N4BP2L2: variants seen among roughly 807,000 people sequenced by gnomAD.
The protein encoded by N4BP2L2 is NEDD4-binding protein 2-like 2.
In N4BP2L2, 50 loss-of-function variants were observed where a neutral mutation model predicts 56.2. The observed-to-expected ratio is 0.89, with a 90% CI of 0.71 to 1.13. N4BP2L2 has a LOEUF of 1.13. Among genes scored for constraint, N4BP2L2 ranks in the 50% most tolerant of loss-of-function variants. N4BP2L2 has a pLI of 0.00. For missense variants in N4BP2L2, 689 were observed against 693.8 expected, an observed-to-expected ratio of 0.99 and a Z score of 0.08; for synonymous variants, 203 against 223.6, an observed-to-expected ratio of 0.91 and a Z score of 0.82.
At chr13:32,538,640 A>T in exon 1 of N4BP2L2, 1 of 985,462 alleles carries the variant, frequency 1.0e-6, no homozygotes, top group South Asian at 4.7e-5. Flanking sequence ...CTACGCATTG[A>T]CCTTTACCTC....
At chr13:32,530,575 T>C (rs2054441794) in intron 2 of N4BP2L2, among the ~76,000 whole-genome samples, 1 of 152,174 alleles carries the variant, frequency 6.6e-6, no homozygotes, top group Non-Finnish European at 1.5e-5. Flanking sequence ...TTCAAAACAA[T>C]AGCTATCTTT....
chr13:32,459,873 G>T (rs778734038), intron 6 of N4BP2L2, among the ~76,000 whole-genome samples: 7 of 152,072 alleles, frequency 4.6e-5, no homozygotes, highest in Non-Finnish European at 8.8e-5. Flanking sequence ...CTATAGGTCA[G>T]TATCCCTGAT....
exon 7 of N4BP2L2, chr13:32,442,590 G>A (rs1266381305): frequency 2.5e-6 from 4 of 1,613,716 alleles, no homozygotes; most frequent in African/African-American, 2.7e-5. Flanking sequence ...CTCCCAAAGA[G>A]CACGAAGTAT....
At chr13:32,494,681 G>GCGTGAAC (rs2088098884) in intron 6 of N4BP2L2, among the ~76,000 whole-genome samples, 1 of 151,208 alleles carries the variant, frequency 6.6e-6, no homozygotes, top group African/African-American at 2.4e-5. Context: ...CAGGAGAATG[G>GCGTGAAC]CGTGAACCCG....
In N4BP2L2 at chr13:32,528,690, T is replaced by G. The variant is rs576421896; in HGVS notation, c.1260-1158A>C. ...AGGCATTTGGATATCACTGTATAAT[T>G]TTGAGGGGATTGGTGGGATGGAAGG... On this transcript the variant is annotated intron_variant, in intron 2 of 5. Transcript: ENST00000267068. Among the ~76,000 whole-genome samples, 5 of 152,258 alleles carry G rather than the reference T, an allele frequency of 3.3e-5. No homozygotes were observed. The South Asian group carries it at 8.3e-4, about 25-fold the overall frequency.
chr13:32,480,530 T>A lies in N4BP2L2; in HGVS notation c.366-36404A>T, dbSNP rs189456122. 1.0e-4 allele frequency: 98 copies of A among 982,912 alleles called. 1 individual carries two copies. Among genetic ancestry groups the A allele is most frequent in the Non-Finnish European group, 1.2e-4 (88 of 724,714 alleles). 60.9% of individuals were successfully genotyped at this position (982,912 alleles called of 1,614,324 possible). ...TAAAGAGACTTTTTTCTACATAATT[T>A]TAATCTTAGAAAATCAGACGCTAGA... is the stretch of plus-strand genomic sequence containing the variant. On this transcript the variant is annotated intron_variant, in intron 6 of 9. Transcript: ENST00000357505.
chr13:32,440,039 A>AC (rs1453921278), intron 7 of N4BP2L2, among the ~76,000 whole-genome samples: 8 of 151,788 alleles, frequency 5.3e-5, no homozygotes, highest in African/African-American at 1.9e-4. Context: ...AAAAAAAAAA[A>AC]AGAAAAGGAA....
chr13:32,505,114 G>A (rs550584939), intron 6 of N4BP2L2: 1 of 152,286 alleles, frequency 6.6e-6, no homozygotes, highest in South Asian at 2.1e-4. Context: ...TGGTCCTGTG[G>A]TAGCAATAGT....
At chr13:32,522,028 T>G (rs1165426604) in intron 4 of N4BP2L2, 154 bp downstream of exon 4, 1 of 589,396 alleles carries the variant, frequency 1.7e-6, no homozygotes, top group Admixed American at 3.7e-5. Context: ...AAAACATCAT[T>G]CACAATTTTT....
chr13:32,461,281 A>C lies in N4BP2L2; in HGVS notation c.366-17155T>G, dbSNP rs781220809. Among the ~76,000 whole-genome samples the C allele has an allele frequency of 2.0e-5, 3 of 152,346 alleles. No individual in the cohort carries two copies. In the South Asian group the frequency reaches 6.2e-4, roughly 32 times the overall value. On this transcript the variant is annotated intron_variant, in intron 6 of 9. Coordinates refer to the N4BP2L2 transcript ENST00000357505. ...AGATAAATGGGACTTAATTAAATTT[A>C]AAAGCTTCTGCACAGCAATGGAAAC...
chr13:32,521,448 G>C (rs1310976290), exon 5 of N4BP2L2: 1 of 1,600,194 alleles, frequency 6.2e-7, no homozygotes, highest in South Asian at 1.1e-5. Context: ...TTTTCCTATG[G>C]CCTACACAAA....
At chr13:32,524,406 C>CA (rs1325041677) in intron 3 of N4BP2L2, 1 of 152,162 alleles carries the variant, frequency 6.6e-6, no homozygotes, top group Non-Finnish European at 1.5e-5. Context: ...CATTATCATC[C>CA]AATACCATAG....
intron 6 of N4BP2L2, among the ~76,000 whole-genome samples, chr13:32,499,078 T>C (rs1437654115): frequency 6.6e-6 from 1 of 152,098 alleles, no homozygotes; most frequent in African/African-American, 2.4e-5. Flanking sequence ...TCTAAGCCTT[T>C]GATTATTCAG....
chr13:32,533,264 CT>C (rs993268849), intron 2 of N4BP2L2, among the ~76,000 whole-genome samples: 2 of 152,162 alleles, frequency 1.3e-5, no homozygotes, highest in South Asian at 4.1e-4. Context: ...AAAGTGACAT[CT>C]TTATCGGGCT....
exon 7 of N4BP2L2, chr13:32,443,768 C>T (rs1566025297): frequency 6.3e-7 from 1 of 1,575,680 alleles, no homozygotes; most frequent in Admixed American, 1.9e-5. Context: ...AAGTTATCAC[C>T]TTCCTTAGAG....
At chr13:32,530,021 C>T (rs1434675999) in intron 2 of N4BP2L2, among the ~76,000 whole-genome samples, 3 of 152,038 alleles carry the variant, frequency 2.0e-5, no homozygotes, top group East Asian at 1.9e-4. Context: ...CCACCGTGCC[C>T]GGCACAGGTG....
chr13:32,537,498 G>C (rs758263686), intron 1 of N4BP2L2, among the ~76,000 whole-genome samples: 7 of 152,076 alleles, frequency 4.6e-5, no homozygotes, highest in Non-Finnish European at 8.8e-5. Context: ...CTGTGTTTTT[G>C]AGAGTAAATA....
At chr13:32,538,806 C>T (rs1007633940), upstream of N4BP2L2, 4 of 985,328 alleles carry the variant, frequency 4.1e-6, no homozygotes, top group African/African-American at 7.0e-5. Flanking sequence ...GGTCACCTCT[C>T]GGTTACCCAG....
chr13:32,506,624 T>A (rs1470107302), downstream of N4BP2L2: 1 of 152,108 alleles, frequency 6.6e-6, no homozygotes. Context: ...TGGGACCTCA[T>A]CAAGCTTGCT....
Sources: allele counts gnomAD v4.1 joint callset (sites outside exome capture counted in the v4.1 genomes callset), GRCh38; gene constraint gnomAD v4.1.1; transcripts MANE v1.5; gene names NCBI Gene and HGNC (gene_info 2026-07-23, HGNC 2026-07-21).